CTDSPL: variants seen among roughly 807,000 people sequenced by gnomAD.
CTDSPL encodes the protein CTD small phosphatase like, also known as CTD small phosphatase-like protein.
A neutral mutation model predicts 30.5 loss-of-function variants in CTDSPL; 8 were observed. The observed-to-expected ratio is 0.26, with a 90% CI of 0.15 to 0.47. The LOEUF (loss-of-function observed/expected upper bound fraction) is 0.47. Among genes scored for constraint, CTDSPL ranks in the 20% least tolerant of loss-of-function variants. CTDSPL has a pLI of 0.99. For missense variants in CTDSPL, 248 were observed against 366.1 expected, an observed-to-expected ratio of 0.68 and a Z score of 2.63; for synonymous variants, 110 against 137.9, an observed-to-expected ratio of 0.80 and a Z score of 1.42.
chr3:37,869,157 A>G (rs1276159170), intron 1 of CTDSPL, among the ~76,000 whole-genome samples: 1 of 152,098 alleles, frequency 6.6e-6, no homozygotes, highest in Non-Finnish European at 1.5e-5. Flanking sequence ...TACATATTTT[A>G]ATTGATACAT....
chr3:37,903,976 AG>A (rs1210895107), intron 1 of CTDSPL, among the ~76,000 whole-genome samples: 2 of 152,244 alleles, frequency 1.3e-5, no homozygotes, highest in Non-Finnish European at 2.9e-5. Flanking sequence ...CAGTGTAAGC[AG>A]AAAATAACCA....
chr3:37,895,196 CGTT>C (rs1239058828), intron 1 of CTDSPL, among the ~76,000 whole-genome samples: 1 of 152,044 alleles, frequency 6.6e-6, no homozygotes, highest in Admixed American at 6.6e-5. Flanking sequence ...AGTGAGGGGT[CGTT>C]GTTTATTATT....
intron 1 of CTDSPL, among the ~76,000 whole-genome samples, chr3:37,889,354 G>A (rs576157367): frequency 6.6e-6 from 1 of 152,166 alleles, no homozygotes; most frequent in African/African-American, 2.4e-5. Context: ...GCACATTTGA[G>A]GATAAGAAGG....
intron 5 of CTDSPL, chr3:37,968,202 G>C (rs755085529): frequency 2.2e-6 from 1 of 463,910 alleles, no homozygotes; most frequent in Non-Finnish European, 4.2e-6. Flanking sequence ...AATTGCTTTC[G>C]GCTACTCTCC....
At chr3:37,980,634 G>C in intron 7 of CTDSPL, 108 bp from the exon 8 acceptor site, 1 of 1,403,800 alleles carries the variant, frequency 7.1e-7, no homozygotes, top group African/African-American at 1.4e-5. Context: ...GATGACACCA[G>C]TCGTCCTTAC....
chr3:37,966,809 G>C (rs905894997), intron 4 of CTDSPL, among the ~76,000 whole-genome samples: 1 of 152,146 alleles, frequency 6.6e-6, no homozygotes, highest in Non-Finnish European at 1.5e-5. Context: ...TTCAGAGTCT[G>C]ACCAGATGCT....
Position 37,942,297 on chromosome 3 carries a change from C to A in CTDSPL, c.80-4760C>A, listed in dbSNP as rs983078689. 3.3e-5 allele frequency among the ~76,000 whole-genome samples: 5 copies of A among 150,408 alleles called. 1 individual carries two copies. Among genetic ancestry groups the A allele is most frequent in the Non-Finnish European group, 7.5e-5 (5 of 67,110 alleles). On this transcript the variant is annotated intron_variant, in intron 1 of 7. Transcript: ENST00000273179. ...CTTTGATCCAGCGTTCCTGGAGAACCCTCACTCATTTATGAAGCGAAAGCT... is the reference window on the plus strand; with the variant it reads ...CTTTGATCCAGCGTTCCTGGAGAACACTCACTCATTTATGAAGCGAAAGCT...
At chr3:37,955,842 T>TA (rs5848258) in intron 2 of CTDSPL, among the ~76,000 whole-genome samples, 32,715 of 152,076 alleles carry the variant, frequency 0.22, 5,108 homozygotes, top group African/African-American at 0.44. Context: ...GAACCTAAAA[T>TA]AAAAGTTTTT....
intron 1 of CTDSPL, among the ~76,000 whole-genome samples, chr3:37,876,408 G>T (rs1412611858): frequency 6.6e-6 from 1 of 152,116 alleles, no homozygotes; most frequent in African/African-American, 2.4e-5. Flanking sequence ...ATTATCTGTG[G>T]TGGTACCATT....
intron 6 of CTDSPL, among the ~76,000 whole-genome samples, chr3:37,972,326 G>A (rs963622121): frequency 2.4e-4 from 36 of 152,126 alleles, no homozygotes; most frequent in East Asian, 9.7e-4. Flanking sequence ...GTGAAATCCC[G>A]TCTCAAAATA....
intron 7 of CTDSPL, among the ~76,000 whole-genome samples, chr3:37,978,453 T>C (rs942397045): frequency 6.6e-6 from 1 of 152,232 alleles, no homozygotes; most frequent in Non-Finnish European, 1.5e-5. Context: ...ATGAAATTCA[T>C]TTCTGTTTTA....
In CTDSPL at chr3:37,862,231, C is replaced by G; in HGVS notation, c.32C>G (p.Thr11Ser). The G allele has an allele frequency of 6.8e-7, 1 of 1,477,340 alleles. No individual in the cohort carries two copies. The allele number at this position is 1,477,340 out of a possible 1,614,324, so 91.5% of individuals were successfully genotyped here. MDGPAIITQV[T>S]NPKEDEGRLP... The stretch of plus-strand genomic sequence containing the variant: ...GGCCCGGCCATCATCACCCAGGTGA[C>G]CAACCCCAAGGAGGACGAGGGCCGG... Residue 11 changes from threonine to serine, a missense_variant, in exon 1 of 8, where the codon ACC (threonine) becomes AGC (serine). Physicochemically the swap from Thr to Ser is moderately conservative, Grantham distance 58. Around this residue, in one of 4 missense-constraint regions of CTDSPL, gnomAD observed 118 missense variants for 124.7 expected, o/e 0.95. Transcript: ENST00000273179. This position sits in a 1 kb window ranked among gnomAD's most constrained non-coding sequence, Gnocchi z 4.3.
rs189975388 is a variant in CTDSPL, at chr3:37,957,371, C to G, written c.267+228C>G. 3.0e-3 allele frequency among the ~76,000 whole-genome samples: 460 copies of G among 152,304 alleles called. 3 individuals carry two copies. The highest frequency in any genetic ancestry group is 0.011 in the African/African-American group (448 of 41,552). On this transcript the variant is annotated intron_variant, in intron 3 of 7. Transcript: ENST00000273179. ...TTCTCAGGAACAGCAGGGCAGCCAG[C>G]TCCATTAACCTAATTCTCATTTTTC...
chr3:37,901,702 G>T (rs114058837), intron 1 of CTDSPL, among the ~76,000 whole-genome samples: 3 of 152,248 alleles, frequency 2.0e-5, no homozygotes, highest in East Asian at 3.9e-4. Context: ...TGCAGAGAAG[G>T]CTCTAGAGTT....
chr3:37,973,980 G>A (rs566438104), intron 6 of CTDSPL, among the ~76,000 whole-genome samples: 27 of 152,226 alleles, frequency 1.8e-4, no homozygotes, highest in Non-Finnish European at 3.4e-4. Flanking sequence ...CACAGGGCGC[G>A]TGCAGCCCAG....
In CTDSPL at chr3:37,923,758, C is replaced by A. The variant is rs550501090; in HGVS notation, c.80-23299C>A. 2.6e-5 allele frequency among the ~76,000 whole-genome samples: 4 copies of A among 151,384 alleles called. No individual in the cohort carries two copies. The East Asian group carries it at 7.7e-4, about 29-fold the overall frequency. On this transcript the variant is annotated intron_variant, in intron 1 of 7. Transcript: ENST00000273179. ...CTGAATGATTAACTGTCAGTTGATA[C>A]AAAGAAGCTTTCTAAGTATTCCTTG...
chr3:37,938,742 G>A (rs946490093), intron 1 of CTDSPL, among the ~76,000 whole-genome samples: 3 of 148,484 alleles, frequency 2.0e-5, no homozygotes, highest in Admixed American at 6.8e-5. Flanking sequence ...GTGCAGTGGC[G>A]TGATCTCGGC....
intron 1 of CTDSPL, among the ~76,000 whole-genome samples, chr3:37,891,383 T>C (rs1287394703): frequency 6.6e-6 from 1 of 152,340 alleles, no homozygotes; most frequent in Non-Finnish European, 1.5e-5. Context: ...TGACCAGCAC[T>C]GGCTGAAAGC....
chr3:37,971,656 A>G (rs1020187780), intron 6 of CTDSPL, among the ~76,000 whole-genome samples, 157 bp downstream of exon 6: 3 of 152,204 alleles, frequency 2.0e-5, no homozygotes, highest in African/African-American at 7.2e-5. Context: ...GGCCATGTGC[A>G]TGGTGCCAGT....
Sources: gnomAD v4.1 joint callset for allele counts (sites outside exome capture counted in the v4.1 genomes callset) on GRCh38, gnomAD v4.1.1 for gene constraint, gnomAD v4.1.1 regional missense constraint, Gnocchi (gnomAD v3.1) non-coding constraint, MANE v1.5 for transcripts, NCBI Gene and HGNC (gene_info 2026-07-23, HGNC 2026-07-21) for gene names.